The following YLPM1 variants were observed in gnomAD, a reference collection of about 807,000 sequenced individuals.
The protein encoded by YLPM1 is YLP motif-containing protein 1.
A neutral mutation model predicts 230.0 loss-of-function variants in YLPM1; 99 were observed. That is an observed-to-expected ratio of 0.43 (90% confidence interval 0.37 to 0.51). The LOEUF (loss-of-function observed/expected upper bound fraction) is 0.51. YLPM1 is among the 20% of genes least tolerant of loss of function. YLPM1 has a pLI of 0.00. For synonymous variants in YLPM1, 984 were observed against 942.5 expected, an observed-to-expected ratio of 1.04 and a Z score of -0.81; for missense variants, 2,592 against 2,707.7, an observed-to-expected ratio of 0.96 and a Z score of 0.95.
intron 6 of YLPM1, among the ~76,000 whole-genome samples, chr14:74,807,715 T>A (rs1279712808): frequency 6.6e-6 from 1 of 152,186 alleles, no homozygotes; most frequent in African/African-American, 2.4e-5. Flanking sequence ...TTTAGTTTAT[T>A]TTGTTGTTTC....
In YLPM1 at chr14:74,799,409, T is replaced by G. The variant is rs1413137207; in HGVS notation, c.4112T>G (p.Leu1371Trp). The change falls in exon 5 of 21, where the codon TTG (leucine) becomes TGG (tryptophan). Residue 1371 changes from leucine to tryptophan, a missense_variant. By Grantham distance (61) the Leu-to-Trp change is moderately conservative. Coordinates refer to ENST00000325680, the MANE Select transcript of YLPM1 (RefSeq NM_019589.3). Reference sequence around the variant, plus strand: ...CGAGATTTCCGTGATAGGGGTGAGTTGAGGATTCGAGAGTATCCAGAAAGA... The same window carrying G: ...CGAGATTTCCGTGATAGGGGTGAGTGGAGGATTCGAGAGTATCCAGAAAGA... ...YDRDFRDRGELRIREYPERGD... is the reference protein window; with the variant it reads ...YDRDFRDRGEWRIREYPERGD... 17 of 1,613,764 alleles carry G rather than the reference T, an allele frequency of 1.1e-5. No individual in the cohort carries two copies. The highest frequency in any genetic ancestry group is 1.3e-5 in the Non-Finnish European group (15 of 1,179,884).
chr14:74,782,103 C>G lies in YLPM1; in HGVS notation c.2060C>G (p.Pro687Arg), dbSNP rs1446300494. The G allele has an allele frequency of 2.5e-6, 4 of 1,613,864 alleles. No homozygotes were observed. The African/African-American group carries it at 4.0e-5, about 16-fold the overall frequency. The change falls in exon 4 of 21, where the codon CCT becomes CGT. Residue 687 changes from proline to arginine, a missense_variant. This residue lies in a region of YLPM1 where 1,862 missense variants were observed against 1,819.8 expected (regional missense o/e 1.02). Transcript: ENST00000325680. The stretch of plus-strand genomic sequence containing the variant: ...TCTGCCCCACCGACAACTTACCATC[C>G]TCCGTTGCAATCAGCTGGTCCATCA... ...FGSAPPTTYHPPLQSAGPSEQ... is the reference protein window; with the variant it reads ...FGSAPPTTYHRPLQSAGPSEQ...
chr14:74,767,638 G>A (rs752450305), intron 1 of YLPM1, among the ~76,000 whole-genome samples: 47 of 152,186 alleles, frequency 3.1e-4, no homozygotes, highest in Non-Finnish European at 6.2e-4. Context: ...ATCCCCTGGA[G>A]ACAAAATTAC....
intron 4 of YLPM1, among the ~76,000 whole-genome samples, chr14:74,784,594 A>G (rs2091128425): frequency 6.6e-6 from 1 of 152,344 alleles, no homozygotes; most frequent in Non-Finnish European, 1.5e-5. Context: ...TATGCTTAAC[A>G]TTGGCATTGT....
chr14:74,812,795 A>T lies in YLPM1; in HGVS notation c.5502+13A>T. The stretch of plus-strand genomic sequence containing the variant: ...CAGACCTGAGAGAGTGAGTCCTATG[A>T]AGTTGATTCGTCTTCGTGCAAACCA... On this transcript the variant is annotated intron_variant, in intron 11 of 20. Coordinates refer to ENST00000325680, the MANE Select transcript of YLPM1 (RefSeq NM_019589.3). 6.2e-7 allele frequency: 1 copy of T among 1,609,580 alleles called. No homozygotes were observed. The highest frequency in any genetic ancestry group is 8.5e-7 in the Non-Finnish European group (1 of 1,177,462).
intron 1 of YLPM1, among the ~76,000 whole-genome samples, chr14:74,773,051 G>A (rs1379418913): frequency 6.6e-6 from 1 of 151,986 alleles, no homozygotes; most frequent in Non-Finnish European, 1.5e-5. Context: ...ACTTTGGGAG[G>A]CTGAGGTGGG....
chr14:74,824,875 T>G (rs1442076650), intron 18 of YLPM1, among the ~76,000 whole-genome samples: 2 of 152,112 alleles, frequency 1.3e-5, no homozygotes. Flanking sequence ...TAAATGATTG[T>G]CTAAATCAGA....
intron 16 of YLPM1, among the ~76,000 whole-genome samples, chr14:74,820,232 G>A (rs2140137120): frequency 6.6e-6 from 1 of 152,194 alleles, no homozygotes; most frequent in African/African-American, 2.4e-5. Context: ...TGAAACCGGT[G>A]CTCTGGGAGT....
rs372494416 is a variant in YLPM1, at chr14:74,818,259, G to A, written c.5975G>A (p.Arg1992His). The A allele has an allele frequency of 1.4e-5, 22 of 1,604,272 alleles. No individual in the cohort carries two copies. In the East Asian group the frequency reaches 1.8e-4, roughly 13 times the overall value. ...KMADHWETAP[R>H]HMMRLDIRSL... Reference sequence around the variant, plus strand: ...GCTGATCACTGGGAAACTGCACCTCGTCACATGATGCGTCTAGATATTCGT... The same window carrying A: ...GCTGATCACTGGGAAACTGCACCTCATCACATGATGCGTCTAGATATTCGT... Residue 1992 changes from arginine (R) to histidine (H), a missense_variant, in exon 16 of 21, where the codon CGT becomes CAT. Coordinates refer to ENST00000325680, the MANE Select transcript of YLPM1 (RefSeq NM_019589.3).
chr14:74,774,410 A>T (rs1415590767), intron 1 of YLPM1, among the ~76,000 whole-genome samples: 1 of 147,388 alleles, frequency 6.8e-6, no homozygotes, highest in Non-Finnish European at 1.5e-5. Context: ...ATTTTTTTGT[A>T]TTTTTTTTGT....
chr14:74,781,622 C>T lies in YLPM1; in HGVS notation c.1579C>T (p.Pro527Ser), dbSNP rs2091093228. ...PPPFVPYSQM[P>S]PPLPTMPPPV... ...TCCTTTTGTTCCATATTCTCAGATG[C>T]CTCCACCTCTACCTACAATGCCCCC... The change falls in exon 4 of 21, where the codon CCT becomes TCT. Residue 527 changes from proline (P) to serine (S), a missense_variant. Around this residue, in one of 4 missense-constraint regions of YLPM1, gnomAD observed 1,862 missense variants for 1,819.8 expected, o/e 1.02. Coordinates refer to ENST00000325680, the MANE Select transcript of YLPM1 (RefSeq NM_019589.3). The T allele has an allele frequency of 6.2e-7, 1 of 1,613,818 alleles. No individual in the cohort carries two copies. Among genetic ancestry groups the T allele is most frequent in the African/African-American group, 1.3e-5 (1 of 74,888 alleles).
At chr14:74,804,584 ATGTT>A (rs1566755866) in intron 6 of YLPM1, among the ~76,000 whole-genome samples, 4 of 152,156 alleles carry the variant, frequency 2.6e-5, no homozygotes. Context: ...CAACTGGCTA[ATGTT>A]TGTTTATCTT....
chr14:74,795,626 C>T (rs898299240), intron 4 of YLPM1, among the ~76,000 whole-genome samples: 1 of 152,202 alleles, frequency 6.6e-6, no homozygotes, highest in African/African-American at 2.4e-5. Context: ...TCATATCAGT[C>T]ACTGCCTTAG....
intron 1 of YLPM1, among the ~76,000 whole-genome samples, chr14:74,767,219 A>G (rs1420273373): frequency 6.6e-6 from 1 of 152,144 alleles, no homozygotes; most frequent in Admixed American, 6.5e-5. Flanking sequence ...TTAACACCTA[A>G]CAAAGTTAAC....
chr14:74,800,360 G>A (rs2091312811), intron 5 of YLPM1, among the ~76,000 whole-genome samples: 1 of 152,020 alleles, frequency 6.6e-6, no homozygotes. Context: ...CTTTTCTTGT[G>A]GTAACAACAA....
intron 5 of YLPM1, among the ~76,000 whole-genome samples, chr14:74,800,938 C>T (rs994217935): frequency 3.3e-5 from 5 of 152,168 alleles, no homozygotes; most frequent in African/African-American, 9.7e-5. Flanking sequence ...TCACAAATGA[C>T]ACTAAAGTTC....
In YLPM1 at chr14:74,817,273, A is replaced by G. The variant is rs750294494; in HGVS notation, c.5942A>G (p.Asn1981Ser). Residue 1981 changes from asparagine to serine, a missense_variant, in exon 15 of 21, where the codon AAT becomes AGT. Transcript: ENST00000325680. ...CATGGAAGAAAGCTTAAAGAAATAA[A>G]TAAGGTGATTTTAAGAAACATAGAA... ...NIHGRKLKEI[N>S]KMADHWETAP... The G allele has an allele frequency of 1.3e-6, 2 of 1,576,790 alleles. No individual in the cohort carries two copies. Among genetic ancestry groups the G allele is most frequent in the Non-Finnish European group, 1.7e-6 (2 of 1,160,200 alleles).
At chr14:74,772,148 A>G (rs2090982789) in intron 1 of YLPM1, among the ~76,000 whole-genome samples, 1 of 151,996 alleles carries the variant, frequency 6.6e-6, no homozygotes, top group African/African-American at 2.4e-5. Context: ...AAAATCATTT[A>G]GTATCTAGTT....
At chr14:74,801,926 A>G (rs1440225056) in intron 5 of YLPM1, among the ~76,000 whole-genome samples, 3 of 152,284 alleles carry the variant, frequency 2.0e-5, no homozygotes, top group South Asian at 2.1e-4. Flanking sequence ...TAAAGAGTTG[A>G]AAAAAATAGG....
Sources: allele counts gnomAD v4.1 joint callset (sites outside exome capture counted in the v4.1 genomes callset), GRCh38; gene constraint gnomAD v4.1.1; regional missense constraint gnomAD v4.1.1; transcripts MANE v1.5; gene names NCBI Gene and HGNC (gene_info 2026-07-23, HGNC 2026-07-21).